Variants in ANO1 observed in about 807,000 individuals in gnomAD.
ANO1 encodes anoctamin 1.
In ANO1, 59 loss-of-function variants were observed where a neutral mutation model predicts 124.0. The observed-to-expected ratio is 0.48, with a 90% CI of 0.39 to 0.59. The LOEUF (loss-of-function observed/expected upper bound fraction) is 0.59. Among genes scored for constraint, ANO1 ranks in the 20% least tolerant of loss-of-function variants. The pLI is 0.00. For missense variants in ANO1, 1,059 were observed against 1,328.0 expected, an observed-to-expected ratio of 0.80 and a Z score of 3.15; for synonymous variants, 529 against 532.0, an observed-to-expected ratio of 0.99 and a Z score of 0.08.
chr11:70,167,419 C>T (rs367642488), intron 21 of ANO1, 32 bp downstream of exon 21: 149 of 1,594,294 alleles, frequency 9.3e-5, no homozygotes, highest in Non-Finnish European at 1.2e-4. Flanking sequence ...CAGGTGACAT[C>T]AGGATAGAAA....
At chr11:70,159,135 A>T (rs572584897) in intron 16 of ANO1, among the ~76,000 whole-genome samples, 27 of 152,116 alleles carry the variant, frequency 1.8e-4, no homozygotes, top group African/African-American at 6.0e-4. Context: ...GGCTTCTCTG[A>T]CCTTCTGCTA....
intron 1 of ANO1, among the ~76,000 whole-genome samples, chr11:70,019,673 T>C (rs1464083855): frequency 1.3e-5 from 2 of 152,224 alleles, no homozygotes; most frequent in Non-Finnish European, 1.5e-5. Flanking sequence ...TCAGCTTTCA[T>C]GTGTTTTCTT....
chr11:70,165,649 G>T, intron 20 of ANO1, 79 bp downstream of exon 20: 1 of 1,142,812 alleles, frequency 8.8e-7, no homozygotes. Flanking sequence ...GCGGGGGTCT[G>T]GGTGGACGCG....
intron 1 of ANO1, among the ~76,000 whole-genome samples, chr11:70,010,431 G>T (rs1225699503): frequency 6.6e-6 from 1 of 151,552 alleles, no homozygotes; most frequent in East Asian, 2.0e-4. Flanking sequence ...CCCCTAGGGA[G>T]GGCACAGATA....
intron 16 of ANO1, among the ~76,000 whole-genome samples, chr11:70,158,355 G>A (rs930708670): frequency 1.3e-5 from 2 of 152,128 alleles, no homozygotes; most frequent in Non-Finnish European, 2.9e-5. Context: ...TGAAGGCAGC[G>A]CCTCCTGTGG....
At chr11:70,070,529 A>G (rs1857845713) in intron 1 of ANO1, among the ~76,000 whole-genome samples, 1 of 152,160 alleles carries the variant, frequency 6.6e-6, no homozygotes, top group Non-Finnish European at 1.5e-5. Context: ...CTAATAATAT[A>G]AAAGTTAGTC....
At chr11:70,161,800 C>A (rs2048054166) in intron 18 of ANO1, 67 bp downstream of exon 18, 10 of 1,516,120 alleles carry the variant, frequency 6.6e-6, no homozygotes, top group South Asian at 4.6e-5. Flanking sequence ...TCTCCCTCCC[C>A]ACAGGTTGGG....
chr11:70,065,904 C>T (rs554471771), intron 1 of ANO1, among the ~76,000 whole-genome samples: 48 of 152,264 alleles, frequency 3.2e-4, no homozygotes, highest in African/African-American at 9.6e-4. Context: ...TGTCTCCCCA[C>T]GCCTGCCCCC....
At chr11:69,997,438 C>T (rs2120340184) in intron 1 of ANO1, among the ~76,000 whole-genome samples, 1 of 152,292 alleles carries the variant, frequency 6.6e-6, no homozygotes, top group South Asian at 2.1e-4. Flanking sequence ...GCCCCAGGAC[C>T]ATGGCTCTGA....
upstream of ANO1, among the ~76,000 whole-genome samples, chr11:69,983,658 G>A (rs961694413): frequency 4.6e-5 from 7 of 152,144 alleles, no homozygotes; most frequent in Admixed American, 1.3e-4. Flanking sequence ...TCACTATCAC[G>A]TGATGCCACT....
upstream of ANO1, among the ~76,000 whole-genome samples, chr11:70,074,775 A>G (rs1555009794): frequency 6.6e-6 from 1 of 152,176 alleles, no homozygotes; most frequent in African/African-American, 2.4e-5. Context: ...GGGTGGGTAG[A>G]GGTCACCAGG....
At chr11:70,052,191 C>T (rs1340516649) in intron 1 of ANO1, among the ~76,000 whole-genome samples, 1 of 152,250 alleles carries the variant, frequency 6.6e-6, no homozygotes, top group Non-Finnish European at 1.5e-5. Flanking sequence ...AGTCCTTTCC[C>T]ACACTGCACT....
chr11:70,005,028 G>C (rs945912764), intron 1 of ANO1, among the ~76,000 whole-genome samples: 1 of 151,362 alleles, frequency 6.6e-6, no homozygotes, highest in Non-Finnish European at 1.5e-5. Flanking sequence ...CAGGAGAATT[G>C]CTAGAACCTG....
At chr11:69,976,443 C>G in the ANO1 span, among the ~76,000 whole-genome samples, 1 of 143,652 alleles carries the variant, frequency 7.0e-6, no homozygotes. Flanking sequence ...GGAGGCGGAG[C>G]TCGCAGTGAG....
At chr11:70,154,808 G>C (rs1394363281) in intron 14 of ANO1, among the ~76,000 whole-genome samples, 2 of 152,186 alleles carry the variant, frequency 1.3e-5, no homozygotes, top group Non-Finnish European at 2.9e-5. Flanking sequence ...GTCTGAGCAG[G>C]ACTCAACAGA....
At chr11:69,992,518 A>T (rs1856176557) in intron 1 of ANO1, among the ~76,000 whole-genome samples, 1 of 152,192 alleles carries the variant, frequency 6.6e-6, no homozygotes, top group Non-Finnish European at 1.5e-5. Context: ...AGGATGGGCC[A>T]GCCACACCTG....
intron 10 of ANO1, 37 bp from the exon 11 acceptor site, chr11:70,131,882 C>T: frequency 6.3e-7 from 1 of 1,583,096 alleles, no homozygotes; most frequent in Non-Finnish European, 8.6e-7. Flanking sequence ...CATCATGGCC[C>T]AACAAGGTGA....
intron 1 of ANO1, among the ~76,000 whole-genome samples, chr11:70,002,500 A>G (rs1051426849): frequency 6.7e-6 from 1 of 150,198 alleles, no homozygotes; most frequent in Admixed American, 6.7e-5. Context: ...ACTTACGATT[A>G]TGTTGCCTAC....
chr11:70,108,708 G>A (rs1348625738), intron 6 of ANO1, among the ~76,000 whole-genome samples: 2 of 152,190 alleles, frequency 1.3e-5, no homozygotes, highest in East Asian at 1.9e-4. Context: ...AGGGATGACC[G>A]GGGGATTCCT....
Sources: gnomAD v4.1 joint callset for allele counts (sites outside exome capture counted in the v4.1 genomes callset) on GRCh38, gnomAD v4.1.1 for gene constraint, MANE v1.5 for transcripts, NCBI Gene and HGNC (gene_info 2026-07-23, HGNC 2026-07-21) for gene names.